Variants in TPST1 observed in about 807,000 individuals in gnomAD.
TPST1 encodes the protein protein-tyrosine sulfotransferase 1.
Under a neutral mutation model 34.8 loss-of-function variants are expected in TPST1, and 20 were observed. The ratio of observed to expected loss-of-function variants is 0.57; its 90% CI spans 0.40 to 0.84. The LOEUF is 0.84. TPST1 is among the 40% of genes least tolerant of loss of function. TPST1 has a pLI of 0.00. For synonymous variants in TPST1, 152 were observed against 159.4 expected, an observed-to-expected ratio of 0.95 and a Z score of 0.35; for missense variants, 353 against 455.5, an observed-to-expected ratio of 0.78 and a Z score of 2.05.
chr7:66,323,847 CA>C (rs943710108), intron 3 of TPST1, among the ~76,000 whole-genome samples: 2 of 152,200 alleles, frequency 1.3e-5, no homozygotes, highest in Admixed American at 6.5e-5. Context: ...AGTAGTTCCT[CA>C]AAAAATTATA....
At chr7:66,211,710 G>A (rs1251265782) in intron 1 of TPST1, among the ~76,000 whole-genome samples, 3 of 152,092 alleles carry the variant, frequency 2.0e-5, no homozygotes, top group African/African-American at 7.2e-5. Flanking sequence ...GCTCATGCCT[G>A]TAATCCCAGC....
the TPST1 span, among the ~76,000 whole-genome samples, chr7:66,200,014 G>A: frequency 2.0e-5 from 3 of 152,220 alleles, no homozygotes; most frequent in African/African-American, 4.8e-5. Flanking sequence ...ACAGGCATGA[G>A]CCACTGCGCG....
chr7:66,352,797 T>G (rs1265012786), intron 4 of TPST1: 1 of 985,338 alleles, frequency 1.0e-6, no homozygotes, highest in Non-Finnish European at 1.2e-6. Flanking sequence ...AGGGAAATAC[T>G]TTATTGATAA....
chr7:66,294,735 TCTTA>T (rs1791158049), intron 3 of TPST1, among the ~76,000 whole-genome samples: 1 of 152,050 alleles, frequency 6.6e-6, no homozygotes, highest in African/African-American at 2.4e-5. Flanking sequence ...TTTTTTATTT[TCTTA>T]TTTATTTACA....
At chr7:66,250,683 A>T (rs1790244545) in intron 2 of TPST1, among the ~76,000 whole-genome samples, 1 of 152,192 alleles carries the variant, frequency 6.6e-6, no homozygotes, top group South Asian at 2.1e-4. Flanking sequence ...TTTCCTGTGC[A>T]TATATACCTG....
chr7:66,339,255 G>A (rs1792185435), intron 3 of TPST1, among the ~76,000 whole-genome samples: 1 of 151,934 alleles, frequency 6.6e-6, no homozygotes, highest in African/African-American at 2.4e-5. Flanking sequence ...AGCCTAGAAG[G>A]AATGTGTAAA....
intron 3 of TPST1, among the ~76,000 whole-genome samples, chr7:66,351,951 T>A (rs901749599): frequency 2.0e-5 from 3 of 152,220 alleles, no homozygotes; most frequent in African/African-American, 7.2e-5. Context: ...AGAAACATTT[T>A]TATATATTAA....
intron 3 of TPST1, 108 bp downstream of exon 3, chr7:66,286,817 A>ATT: frequency 1.5e-6 from 1 of 645,350 alleles, no homozygotes; most frequent in South Asian, 8.4e-5. Context: ...AGAAAAATAT[A>ATT]TTTTTTTTTT....
chr7:66,231,136 A>C (rs1053231790), intron 1 of TPST1, among the ~76,000 whole-genome samples: 1 of 152,140 alleles, frequency 6.6e-6, no homozygotes, highest in East Asian at 1.9e-4. Flanking sequence ...CAGAGTGTCG[A>C]TTGGTGCACT....
intron 3 of TPST1, among the ~76,000 whole-genome samples, chr7:66,317,220 G>A (rs975230803): frequency 3.3e-5 from 5 of 152,060 alleles, no homozygotes; most frequent in African/African-American, 7.2e-5. Context: ...TGTACTTCTT[G>A]GTCCTAATAT....
chr7:66,257,638 A>T (rs1329537030), intron 2 of TPST1, among the ~76,000 whole-genome samples: 1 of 152,116 alleles, frequency 6.6e-6, no homozygotes, highest in Admixed American at 6.5e-5. Context: ...TTTTCTCAAA[A>T]ACTTTGTCAG....
intron 2 of TPST1, among the ~76,000 whole-genome samples, chr7:66,248,503 G>GTT (rs373801835): frequency 0.033 from 4,080 of 124,234 alleles, 198 homozygotes; most frequent in East Asian, 0.085. Context: ...AACATTTAGT[G>GTT]TTTTTTTTTT....
intron 1 of TPST1, among the ~76,000 whole-genome samples, chr7:66,217,590 ATTTG>A (rs987673484): frequency 3.0e-4 from 46 of 151,496 alleles, no homozygotes; most frequent in Middle Eastern, 3.4e-3. Flanking sequence ...TTATTTATTT[ATTTG>A]TTTGTTTGTT....
chr7:66,232,298 G>C (rs1789814951), intron 1 of TPST1, among the ~76,000 whole-genome samples: 1 of 150,856 alleles, frequency 6.6e-6, no homozygotes, highest in Admixed American at 6.6e-5. Context: ...AACCTCCCAG[G>C]CTCAAGTAAT....
chr7:66,325,955 A>G (rs1219425085), intron 3 of TPST1, among the ~76,000 whole-genome samples: 1 of 152,188 alleles, frequency 6.6e-6, no homozygotes, highest in African/African-American at 2.4e-5. Flanking sequence ...TAAAAAGTAA[A>G]ACTTCTTTAA....
intron 1 of TPST1, among the ~76,000 whole-genome samples, chr7:66,231,671 A>C (rs1048242579): frequency 6.6e-6 from 1 of 152,216 alleles, no homozygotes; most frequent in Non-Finnish European, 1.5e-5. Context: ...CCGGAACTCC[A>C]GCTAGCCCGC....
chr7:66,350,037 T>C (rs765576826), intron 3 of TPST1, among the ~76,000 whole-genome samples: 1 of 151,932 alleles, frequency 6.6e-6, no homozygotes, highest in African/African-American at 2.4e-5. Context: ...TTTTTCGAGA[T>C]GGAGTTTCGC....
intron 2 of TPST1, among the ~76,000 whole-genome samples, chr7:66,272,899 C>G (rs962893846): frequency 6.6e-6 from 1 of 152,114 alleles, no homozygotes; most frequent in Admixed American, 6.6e-5. Context: ...ACTCTCACCA[C>G]TTCTGTTCAG....
chr7:66,314,135 G>A (rs755145021), intron 3 of TPST1, among the ~76,000 whole-genome samples: 2 of 152,152 alleles, frequency 1.3e-5, no homozygotes, highest in Admixed American at 6.5e-5. Context: ...ATCTGAAGGC[G>A]TATGATGTTC....
Sources: allele counts gnomAD v4.1 joint callset (sites outside exome capture counted in the v4.1 genomes callset), GRCh38; gene constraint gnomAD v4.1.1; transcripts MANE v1.5; gene names NCBI Gene and HGNC (gene_info 2026-07-23, HGNC 2026-07-21).